The following ANKRD26 variants were observed in gnomAD, a reference collection of about 807,000 sequenced individuals.
ANKRD26 encodes ankyrin repeat domain 26.
A neutral mutation model predicts 208.7 loss-of-function variants in ANKRD26; 141 were observed. The ratio of observed to expected loss-of-function variants is 0.68; its 90% CI spans 0.59 to 0.78. The LOEUF (loss-of-function observed/expected upper bound fraction) is 0.78. Among genes scored for constraint, ANKRD26 ranks in the 30% least tolerant of loss-of-function variants. ANKRD26 has a pLI of 0.00. For missense variants in ANKRD26, 1,889 were observed against 1,938.7 expected (o/e 0.97, Z 0.48); for synonymous variants, 636 against 660.4 (o/e 0.96, Z 0.57).
chr10:26,986,228 G>A (rs2052384764), intron 3 of ANKRD26, among the ~76,000 whole-genome samples: 1 of 152,216 alleles, frequency 6.6e-6, no homozygotes, highest in African/African-American at 2.4e-5. Context: ...TTAGCCATAT[G>A]TAGAAAGCTG....
At chr10:26,954,714 G>A in the ANKRD26 span, among the ~76,000 whole-genome samples, 1 of 151,942 alleles carries the variant, frequency 6.6e-6, no homozygotes, top group Non-Finnish European at 1.5e-5. Flanking sequence ...AATTGCTTTG[G>A]ATTGGAAAAA....
the ANKRD26 span, among the ~76,000 whole-genome samples, chr10:26,951,423 C>T: frequency 6.6e-6 from 1 of 151,972 alleles, no homozygotes; most frequent in Non-Finnish European, 1.5e-5. Context: ...TCTTTTATAC[C>T]TGCAATAAAT....
At chr10:26,948,285 C>T in the ANKRD26 span, among the ~76,000 whole-genome samples, 2 of 152,274 alleles carry the variant, frequency 1.3e-5, no homozygotes, top group Non-Finnish European at 2.9e-5. Flanking sequence ...TAATTATAAT[C>T]AACATTTATC....
downstream of ANKRD26, among the ~76,000 whole-genome samples, chr10:26,969,461 T>C (rs2052113180): frequency 6.6e-6 from 1 of 152,158 alleles, no homozygotes; most frequent in East Asian, 1.9e-4. Flanking sequence ...TGTTGTTTGA[T>C]GGTTTTTGGT....
chr10:27,080,858 C>T, intron 6 of ANKRD26: 2 of 985,450 alleles, frequency 2.0e-6, no homozygotes, highest in Non-Finnish European at 1.2e-6. Flanking sequence ...TTGGGTTGCT[C>T]CATGACTGAC....
intron 32 of ANKRD26, among the ~76,000 whole-genome samples, chr10:27,007,866 T>C (rs11015450): frequency 0.095 from 14,473 of 152,134 alleles, 2,214 homozygotes; most frequent in African/African-American, 0.33. Flanking sequence ...TCTTTATTCA[T>C]GTAAACACAA....
intron 1 of ANKRD26, among the ~76,000 whole-genome samples, chr10:27,098,373 G>T (rs1028835052): frequency 6.6e-6 from 1 of 151,074 alleles, no homozygotes; most frequent in African/African-American, 2.4e-5. Context: ...ACCAAAAAAA[G>T]AAAAAAAAGA....
At chr10:27,021,727 A>G (rs1416837735) in intron 29 of ANKRD26, among the ~76,000 whole-genome samples, 1 of 152,124 alleles carries the variant, frequency 6.6e-6, no homozygotes, top group Non-Finnish European at 1.5e-5. Flanking sequence ...TGACTTTTTA[A>G]TAATAGCCAT....
chr10:27,060,385 A>T lies in ANKRD26; in HGVS notation c.1524T>A (p.Asn508Lys). The change falls in exon 15 of 34, where the codon AAT becomes AAA. Residue 508 changes from asparagine (N) to lysine (K), a missense_variant. By Grantham distance (94) the Asn-to-Lys change is moderately conservative. This residue lies in a region of ANKRD26 where 1,272 missense variants were observed against 1,273.8 expected (regional missense o/e 1.00). Coordinates refer to ENST00000376087, the MANE Select transcript of ANKRD26 (RefSeq NM_014915.3). ...GTACATCCTTCATTCCTCCTGCTTT[A>T]TTTGGAACAGAATCTTTCATTTCAA... ...PTIEMKDSVP[N>K]KAGGMKDVQT... 6.2e-7 allele frequency: 1 copy of T among 1,612,978 alleles called. No individual in the cohort carries two copies. The highest frequency in any genetic ancestry group is 2.2e-5 in the East Asian group (1 of 44,766).
At chr10:26,986,944 G>A (rs61851010), downstream of ANKRD26, among the ~76,000 whole-genome samples, 13,701 of 152,202 alleles carry the variant, frequency 0.09, 722 homozygotes, top group Middle Eastern at 0.16. Context: ...ATACCCAAAG[G>A]ATTATAAATC....
chr10:27,014,154 T>G (rs2053211304), intron 31 of ANKRD26, among the ~76,000 whole-genome samples: 1 of 152,178 alleles, frequency 6.6e-6, no homozygotes, highest in Admixed American at 6.5e-5. Flanking sequence ...CCCAACTCAT[T>G]AATAATTATA....
chr10:27,004,356 C>T lies in ANKRD26; in HGVS notation c.*1234G>A, dbSNP rs923346155. 1 of 125,042 alleles carries T rather than the reference C, an allele frequency of 8.0e-6. No homozygotes were observed. Among genetic ancestry groups the T allele is most frequent in the Non-Finnish European group, 1.8e-5 (1 of 56,900 alleles). The allele number at this position is 125,042 out of a possible 1,614,324, so 7.7% of individuals were successfully genotyped here. A position where few individuals can be genotyped will look rare whatever the true frequency, so the allele number is the denominator to read the frequency against. On this transcript the variant is annotated 3_prime_UTR_variant, in exon 34 of 34. Transcript: ENST00000376087. ...AACAATATTAATGAATTATAACTCA[C>T]TGAATAAAATAAACCATGAATCCAT...
chr10:27,009,803 G>A (rs965109152), intron 32 of ANKRD26, among the ~76,000 whole-genome samples: 5 of 152,034 alleles, frequency 3.3e-5, no homozygotes, highest in African/African-American at 1.2e-4. Flanking sequence ...TTTCCAGGTG[G>A]GGGTTATGCT....
At chr10:27,008,735 G>T (rs1042655265) in intron 32 of ANKRD26, among the ~76,000 whole-genome samples, 1 of 152,038 alleles carries the variant, frequency 6.6e-6, no homozygotes, top group Non-Finnish European at 1.5e-5. Flanking sequence ...TATTTTTCTC[G>T]CCTAACACTT....
downstream of ANKRD26, among the ~76,000 whole-genome samples, chr10:27,003,653 C>T (rs902357828): frequency 1.3e-5 from 2 of 152,310 alleles, no homozygotes; most frequent in African/African-American, 4.8e-5. Context: ...AAGTGAGTGA[C>T]AGCAGATGCC....
the ANKRD26 span, among the ~76,000 whole-genome samples, chr10:26,966,484 G>A: frequency 6.6e-6 from 1 of 151,986 alleles, no homozygotes; most frequent in Non-Finnish European, 1.5e-5. Context: ...CCTGTTGACA[G>A]GTAGGGGGTG....
chr10:26,963,216 T>G, the ANKRD26 span, among the ~76,000 whole-genome samples: 1 of 152,314 alleles, frequency 6.6e-6, no homozygotes, highest in South Asian at 2.1e-4. Flanking sequence ...GTGCATGTTG[T>G]TCCATTTCCT....
At chr10:26,996,662 G>A (rs573074646) in intron 4 of ANKRD26, among the ~76,000 whole-genome samples, 1 of 152,242 alleles carries the variant, frequency 6.6e-6, no homozygotes, top group Non-Finnish European at 1.5e-5. Flanking sequence ...TGTATGATAG[G>A]GACAATTCCA....
chr10:26,975,386 G>A (rs989161505), exon 6 of ANKRD26, among the ~76,000 whole-genome samples: 10 of 112,012 alleles, frequency 8.9e-5, no homozygotes, highest in South Asian at 6.0e-4. Flanking sequence ...AAGCCACCTC[G>A]CCCAGCTAAT....
Sources: gnomAD v4.1 joint callset for allele counts (sites outside exome capture counted in the v4.1 genomes callset) on GRCh38, gnomAD v4.1.1 for gene constraint, gnomAD v4.1.1 regional missense constraint, MANE v1.5 for transcripts, NCBI Gene and HGNC (gene_info 2026-07-23, HGNC 2026-07-21) for gene names.